The following CNTNAP4 variants were observed in gnomAD, a reference collection of about 807,000 sequenced individuals.
CNTNAP4 encodes contactin-associated protein-like 4.
In CNTNAP4, 98 loss-of-function variants were observed where a neutral mutation model predicts 148.4. The ratio of observed to expected loss-of-function variants is 0.66; its 90% confidence interval spans 0.56 to 0.78. The LOEUF (loss-of-function observed/expected upper bound fraction) is 0.78, where lower values mean the gene tolerates loss of function less well. CNTNAP4 is among the 30% of genes least tolerant of loss of function. The probability of loss-of-function intolerance (pLI) is 0.00; values close to 1 mark genes in which losing one functional copy is unlikely to be tolerated. For missense variants in CNTNAP4, 1,935 were observed against 1,565.6 expected, an observed-to-expected ratio of 1.24 and a Z score of -3.98; for synonymous variants, 730 against 565.1, an observed-to-expected ratio of 1.29 and a Z score of -4.14.
chr16:76,456,184 G>T (rs1042795224), intron 8 of CNTNAP4, among the ~76,000 whole-genome samples: 1 of 152,100 alleles, frequency 6.6e-6, no homozygotes, highest in Non-Finnish European at 1.5e-5. Flanking sequence ...TGAATTTATT[G>T]CTTATTGCAA....
At chr16:76,464,806 G>T (rs1410368430) in intron 9 of CNTNAP4, among the ~76,000 whole-genome samples, 2 of 152,166 alleles carry the variant, frequency 1.3e-5, no homozygotes, top group East Asian at 3.9e-4. Context: ...TTACTCTGTA[G>T]CTTTTTTTCC....
At chr16:76,506,465 C>G (rs1289815199) in intron 15 of CNTNAP4, among the ~76,000 whole-genome samples, 1 of 69,528 alleles carries the variant, frequency 1.4e-5, no homozygotes, top group African/African-American at 3.0e-5. Context: ...CCTTCCGCTT[C>G]TCTTCCGTTC....
At chr16:76,533,314 C>A (rs2084066394) in intron 17 of CNTNAP4, among the ~76,000 whole-genome samples, 1 of 151,986 alleles carries the variant, frequency 6.6e-6, no homozygotes, top group South Asian at 2.1e-4. Context: ...AAAAGTAGAA[C>A]AGAGGATACT....
chr16:76,540,812 T>A, intron 21 of CNTNAP4, 22 bp downstream of exon 21: 6 of 1,490,524 alleles, frequency 4.0e-6, no homozygotes, highest in Non-Finnish European at 5.5e-6. Flanking sequence ...AAACAACCTT[T>A]CCCCTAACCA....
chr16:76,415,832 A>G (rs930153288), intron 3 of CNTNAP4, among the ~76,000 whole-genome samples: 29 of 151,238 alleles, frequency 1.9e-4, no homozygotes, highest in African/African-American at 6.8e-4. Context: ...GGCATTTTTC[A>G]TTCTACAAAA....
chr16:76,303,974 A>T (rs1465765310), intron 1 of CNTNAP4, among the ~76,000 whole-genome samples: 1 of 152,148 alleles, frequency 6.6e-6, no homozygotes, highest in African/African-American at 2.4e-5. Flanking sequence ...ATATCTACAA[A>T]ACTTTTATTC....
At position 76,452,496 on chromosome 16, in the gene CNTNAP4, CT is replaced by C. The variant is rs761502729; in HGVS notation, c.1072-9del. ...AACATTCTGAAAGCTTTTTCTTTTACTTTATTCTCAGGGAAATGTGTCATTT... is the reference window on the plus strand; with the variant it reads ...AACATTCTGAAAGCTTTTTCTTTTACTTATTCTCAGGGAAATGTGTCATTT... On this transcript the variant is annotated splice_polypyrimidine_tract_variant and intron_variant, in intron 7 of 23. Transcript: ENST00000611870. 16 of 1,613,276 alleles carry C rather than the reference CT, an allele frequency of 9.9e-6. No homozygotes were observed. The African/African-American group carries it at 2.1e-4, about 22-fold the overall frequency.
intron 21 of CNTNAP4, among the ~76,000 whole-genome samples, chr16:76,545,473 T>C (rs1261934691): frequency 5.3e-5 from 8 of 152,160 alleles, no homozygotes; most frequent in Admixed American, 4.6e-4. Context: ...CGTATAGTCA[T>C]AGGCAGGTGG....
At chr16:76,445,977 C>T (rs1481485478) in intron 4 of CNTNAP4, among the ~76,000 whole-genome samples, 1 of 152,102 alleles carries the variant, frequency 6.6e-6, no homozygotes, top group African/African-American at 2.4e-5. Context: ...ATTCATTCAG[C>T]TATGTAACGA....
intron 17 of CNTNAP4, among the ~76,000 whole-genome samples, chr16:76,523,912 A>G (rs2083598974): frequency 6.6e-6 from 1 of 152,180 alleles, no homozygotes; most frequent in South Asian, 2.1e-4. Context: ...CCTGGGTGAC[A>G]GAGGGAGCCC....
intron 3 of CNTNAP4, among the ~76,000 whole-genome samples, chr16:76,374,130 A>G (rs537742295): frequency 6.6e-6 from 1 of 152,290 alleles, no homozygotes; most frequent in Non-Finnish European, 1.5e-5. Flanking sequence ...TGAAGCCATG[A>G]GCATTTTAAG....
chr16:76,423,125 T>C (rs1001235102), intron 3 of CNTNAP4, among the ~76,000 whole-genome samples: 2 of 152,178 alleles, frequency 1.3e-5, no homozygotes, highest in African/African-American at 2.4e-5. Flanking sequence ...TGCTGGTGCC[T>C]TCATTTTGGA....
At chr16:76,484,275 G>GAAAAAAAAAAAAAAAAAAAAAAAA (rs10622949) in intron 12 of CNTNAP4, among the ~76,000 whole-genome samples, 2 of 71,228 alleles carry the variant, frequency 2.8e-5, no homozygotes, top group African/African-American at 5.6e-5. Context: ...GGAGAGAAAT[G>GAAAAAAAAAAAAAAAAAAAAAAAA]AAAAAAAAAA....
chr16:76,498,142 G>T (rs1028512709), intron 14 of CNTNAP4, among the ~76,000 whole-genome samples: 1 of 152,110 alleles, frequency 6.6e-6, no homozygotes, highest in East Asian at 1.9e-4. Flanking sequence ...TGTAATCCCC[G>T]CACTTCGGGA....
At chr16:76,421,802 T>G (rs576957985) in intron 3 of CNTNAP4, among the ~76,000 whole-genome samples, 1 of 152,264 alleles carries the variant, frequency 6.6e-6, no homozygotes, top group African/African-American at 2.4e-5. Context: ...GATTTTCATG[T>G]TTCCCTGTTT....
chr16:76,541,003 A>G lies in CNTNAP4; in HGVS notation c.3442+213A>G, dbSNP rs1054339609. Among the ~76,000 whole-genome samples, 20 of 152,296 alleles carry G rather than the reference A, an allele frequency of 1.3e-4. 1 individual carries two copies. The highest frequency in any genetic ancestry group is 4.8e-4 in the African/African-American group (20 of 41,570). ...GAGCAAGCATCTTCCTTTGATGGTA[A>G]GGTCACTCTGGTCTCAGTCCTGTCT... On this transcript the variant is annotated intron_variant, in intron 21 of 23. Coordinates refer to ENST00000611870, the MANE Select transcript of CNTNAP4 (RefSeq NM_033401.5).
chr16:76,545,582 C>G (rs1361509339), intron 21 of CNTNAP4, among the ~76,000 whole-genome samples: 3 of 86,870 alleles, frequency 3.5e-5, no homozygotes, highest in Non-Finnish European at 6.8e-5. Context: ...GCTCTACTTA[C>G]ACTAAAAAAA....
chr16:76,396,394 A>T (rs1268611852), intron 3 of CNTNAP4, among the ~76,000 whole-genome samples: 3 of 152,214 alleles, frequency 2.0e-5, no homozygotes, highest in African/African-American at 7.2e-5. Flanking sequence ...CTATGTGAGT[A>T]TCCTAATTTT....
At chr16:76,465,558 AAAG>A (rs1482194858) in intron 9 of CNTNAP4, among the ~76,000 whole-genome samples, 1 of 152,224 alleles carries the variant, frequency 6.6e-6, no homozygotes, top group Non-Finnish European at 1.5e-5. Flanking sequence ...CACCTGGAGA[AAAG>A]AAGATTAGCA....
Sources: gnomAD v4.1 joint callset for allele counts (sites outside exome capture counted in the v4.1 genomes callset) on GRCh38, gnomAD v4.1.1 for gene constraint, MANE v1.5 for transcripts, NCBI Gene and HGNC (gene_info 2026-07-23, HGNC 2026-07-21) for gene names.